Variants in SGCD observed in about 807,000 individuals in gnomAD.
SGCD encodes the protein sarcoglycan delta, also known as delta-sarcoglycan.
In SGCD, 18 loss-of-function variants were observed where a neutral mutation model predicts 36.6. That is an observed-to-expected ratio of 0.49 (90% CI 0.34 to 0.73). SGCD has a LOEUF of 0.73. Ranked by LOEUF, SGCD falls within the 30% of genes least tolerant of loss-of-function variation. SGCD has a pLI of 0.01. For missense variants in SGCD, 387 were observed against 346.7 expected (o/e 1.12, Z -0.92); for synonymous variants, 133 against 130.6 (o/e 1.02, Z -0.12).
At chr5:156,386,600 G>A (rs1032323572) in intron 3 of SGCD, among the ~76,000 whole-genome samples, 3 of 152,230 alleles carry the variant, frequency 2.0e-5, no homozygotes, top group Admixed American at 6.5e-5. Flanking sequence ...AGTCCCTTGC[G>A]ATGCCGCCAT....
At chr5:156,556,861 G>A (rs990661633) in intron 4 of SGCD, among the ~76,000 whole-genome samples, 1 of 152,134 alleles carries the variant, frequency 6.6e-6, no homozygotes, top group Admixed American at 6.6e-5. Flanking sequence ...TGTGGTTGCA[G>A]CTTATGCTCC....
intron 3 of SGCD, among the ~76,000 whole-genome samples, chr5:156,197,334 A>G (rs201593899): frequency 6.6e-6 from 1 of 152,154 alleles, no homozygotes; most frequent in Non-Finnish European, 1.5e-5. Flanking sequence ...TTAGTTTGAA[A>G]CACATATAAA....
chr5:155,837,204 C>A, the SGCD span, among the ~76,000 whole-genome samples: 2,700 of 152,212 alleles, frequency 0.018, 86 homozygotes, highest in African/African-American at 0.06. Flanking sequence ...GTTGCCCAAG[C>A]TGGAGTGCAG....
intron 3 of SGCD, among the ~76,000 whole-genome samples, chr5:156,466,500 T>C (rs1358750662): frequency 6.6e-6 from 1 of 152,192 alleles, no homozygotes; most frequent in Non-Finnish European, 1.5e-5. Context: ...AACTCTCCCC[T>C]CAGTCACTTC....
intron 1 of SGCD, among the ~76,000 whole-genome samples, chr5:156,046,674 C>T (rs1252889338): frequency 1.3e-5 from 2 of 152,102 alleles, no homozygotes; most frequent in African/African-American, 2.4e-5. Flanking sequence ...ATGTCGTGTG[C>T]ATTCTGATTG....
chr5:156,002,820 C>A (rs1223954771), intron 1 of SGCD, among the ~76,000 whole-genome samples: 1 of 152,176 alleles, frequency 6.6e-6, no homozygotes, highest in Non-Finnish European at 1.5e-5. Context: ...AGGAGCAACC[C>A]TTGAATTAAA....
chr5:156,185,886 G>GAGAGAGAGA (rs1465933664), intron 3 of SGCD, among the ~76,000 whole-genome samples: 48 of 17,484 alleles, frequency 2.7e-3, no homozygotes, highest in Non-Finnish European at 4.5e-3. Context: ...GAGAGAGAGA[G>GAGAGAGAGA]GGCCATGTCT....
rs545005751 is a variant in SGCD at position 156,538,612 on chromosome 5, G to T, written c.294+29910G>T. ...ACCTTCATTTCTTCTCACCTGTTTT[G>T]CTTGGTATATAACACTTAAAAAAAA... On this transcript the variant is annotated intron_variant, in intron 4 of 8. Transcript: ENST00000337851. Among the ~76,000 whole-genome samples, 79 of 151,836 alleles carry T rather than the reference G, an allele frequency of 5.2e-4. 1 individual carries two copies. The Middle Eastern group carries it at 0.01, about 20-fold the overall frequency.
the SGCD span, among the ~76,000 whole-genome samples, chr5:155,837,752 C>T: frequency 7.2e-5 from 11 of 152,168 alleles, no homozygotes; most frequent in Non-Finnish European, 1.5e-4. Flanking sequence ...GCTTTCCTTA[C>T]GTAGAAATCA....
chr5:156,743,073 A>C (rs1402911904), intron 7 of SGCD, among the ~76,000 whole-genome samples: 2 of 148,738 alleles, frequency 1.3e-5, no homozygotes, highest in Non-Finnish European at 3.0e-5. Flanking sequence ...TAAAATCCTT[A>C]TTCTGCAAAG....
At chr5:156,052,091 A>C (rs917860543) in intron 1 of SGCD, among the ~76,000 whole-genome samples, 1 of 146,402 alleles carries the variant, frequency 6.8e-6, no homozygotes, top group African/African-American at 2.5e-5. Context: ...GGGATCCTCC[A>C]TAAGTCCAGA....
chr5:156,705,583 A>G (rs1008205877), intron 7 of SGCD, among the ~76,000 whole-genome samples: 1 of 152,132 alleles, frequency 6.6e-6, no homozygotes, highest in Non-Finnish European at 1.5e-5. Flanking sequence ...TATCATCTTA[A>G]ATGTGATTAC....
In SGCD at chr5:156,508,670, C is replaced by A; in HGVS notation, c.262C>A (p.Pro88Thr). ...AGAAGGAGACTCTGAATTCTTACAA[C>A]CTCTCTACGCCAAAGAAATCCAGTC... ...KLEGDSEFLQPLYAKEIQSRP... is the reference protein window; with the variant it reads ...KLEGDSEFLQTLYAKEIQSRP... Residue 88 changes from proline to threonine, a missense_variant, in exon 4 of 9, where the codon CCT becomes ACT. By Grantham distance (38) the Pro-to-Thr change is conservative. Coordinates refer to ENST00000337851, the MANE Select transcript of SGCD (RefSeq NM_000337.6). 1 of 1,608,294 alleles carries A rather than the reference C, an allele frequency of 6.2e-7. No individual in the cohort carries two copies. The highest frequency in any genetic ancestry group is 8.5e-7 in the Non-Finnish European group (1 of 1,176,622).
chr5:156,037,477 T>A (rs1457301858), intron 1 of SGCD, among the ~76,000 whole-genome samples: 2 of 152,248 alleles, frequency 1.3e-5, no homozygotes, highest in African/African-American at 4.8e-5. Flanking sequence ...CCTAATTCCC[T>A]AAACTCTGTA....
chr5:156,310,221 G>A (rs184733904), intron 3 of SGCD, among the ~76,000 whole-genome samples: 6 of 152,212 alleles, frequency 3.9e-5, no homozygotes, highest in Admixed American at 6.5e-5. Context: ...CCAATAGTAC[G>A]AAAATAAAAA....
At chr5:156,471,586 G>A (rs1288373170) in intron 3 of SGCD, among the ~76,000 whole-genome samples, 2 of 151,922 alleles carry the variant, frequency 1.3e-5, no homozygotes, top group Admixed American at 1.3e-4. Flanking sequence ...AAATGTGTAG[G>A]AAAAAGAAAT....
chr5:156,282,742 T>G (rs897921444), intron 3 of SGCD, among the ~76,000 whole-genome samples: 1 of 152,194 alleles, frequency 6.6e-6, no homozygotes, highest in Non-Finnish European at 1.5e-5. Context: ...GTGAATTTCC[T>G]TCTATTAGGT....
At chr5:156,206,586 T>C (rs1003482080) in intron 3 of SGCD, among the ~76,000 whole-genome samples, 5 of 152,060 alleles carry the variant, frequency 3.3e-5, no homozygotes, top group African/African-American at 1.2e-4. Flanking sequence ...TATTAATTAA[T>C]ACAAGACCAG....
At chr5:155,762,442 A>T in the SGCD span, among the ~76,000 whole-genome samples, 1 of 152,218 alleles carries the variant, frequency 6.6e-6, no homozygotes, top group Non-Finnish European at 1.5e-5. Context: ...AATAACTATG[A>T]CATCTTTCTT....
Sources: allele counts gnomAD v4.1 joint callset (sites outside exome capture counted in the v4.1 genomes callset), GRCh38; gene constraint gnomAD v4.1.1; transcripts MANE v1.5; gene names NCBI Gene and HGNC (gene_info 2026-07-23, HGNC 2026-07-21).